The following PCNX2 variants were observed in gnomAD, a reference collection of about 807,000 sequenced individuals.
PCNX2 encodes pecanex 2.
Under a neutral mutation model 223.8 loss-of-function variants are expected in PCNX2, and 168 were observed. That is an observed-to-expected ratio of 0.75 (90% CI 0.66 to 0.85). PCNX2 has a LOEUF of 0.85. Among genes scored for constraint, PCNX2 ranks in the 40% least tolerant of loss-of-function variants. PCNX2 has a pLI of 0.00. For missense variants in PCNX2, 2,507 were observed against 2,675.5 expected, an observed-to-expected ratio of 0.94 and a Z score of 1.39; for synonymous variants, 1,006 against 1,052.6, an observed-to-expected ratio of 0.96 and a Z score of 0.86.
At chr1:233,143,717 G>C (rs1558276970) in intron 19 of PCNX2, among the ~76,000 whole-genome samples, 1 of 152,128 alleles carries the variant, frequency 6.6e-6, no homozygotes, top group African/African-American at 2.4e-5. Context: ...CTCACTCTCT[G>C]CATGTCTATC....
At chr1:233,310,193 G>A in the PCNX2 span, among the ~76,000 whole-genome samples, 17 of 152,110 alleles carry the variant, frequency 1.1e-4, no homozygotes, top group Middle Eastern at 3.4e-3. Context: ...AAAATTAGAG[G>A]CTAATAGCCA....
At chr1:233,027,660 T>C (rs73103469) in intron 25 of PCNX2, among the ~76,000 whole-genome samples, 2,258 of 152,304 alleles carry the variant, frequency 0.015, 54 homozygotes, top group African/African-American at 0.052. Context: ...AACGTTTTTC[T>C]GTAAAGGGCC....
chr1:233,212,804 C>G (rs919361238), intron 12 of PCNX2, among the ~76,000 whole-genome samples: 4 of 152,210 alleles, frequency 2.6e-5, no homozygotes, highest in African/African-American at 9.6e-5. Context: ...TATTTGAGAA[C>G]TTTTCATCAA....
At chr1:233,135,529 C>T (rs940134534) in intron 20 of PCNX2, among the ~76,000 whole-genome samples, 1 of 152,192 alleles carries the variant, frequency 6.6e-6, no homozygotes, top group African/African-American at 2.4e-5. Flanking sequence ...GGGCACAGAG[C>T]TCCTTCTGAG....
chr1:233,117,455 C>A lies in PCNX2; in HGVS notation c.3837+17558G>T, dbSNP rs549687863. 1.3e-4 allele frequency among the ~76,000 whole-genome samples: 20 copies of A among 151,278 alleles called. No homozygotes were observed. In the South Asian group the frequency reaches 4.2e-3, roughly 31 times the overall value. On this transcript the variant is annotated intron_variant, in intron 21 of 33. Coordinates refer to ENST00000258229, the MANE Select transcript of PCNX2 (RefSeq NM_014801.4). ...GACCATCCTGGCTAACACAGTGAAACCCTGTCTGTACTAAAAATACAAAAA... is the reference window on the plus strand; with the variant it reads ...GACCATCCTGGCTAACACAGTGAAAACCTGTCTGTACTAAAAATACAAAAA...
At chr1:233,087,800 C>T (rs1342110749) in intron 23 of PCNX2, among the ~76,000 whole-genome samples, 1 of 152,084 alleles carries the variant, frequency 6.6e-6, no homozygotes, top group Non-Finnish European at 1.5e-5. Flanking sequence ...AATTTCCTTC[C>T]ACTTGGCTCC....
intron 23 of PCNX2, among the ~76,000 whole-genome samples, chr1:233,081,796 AG>A (rs1673371895): frequency 6.6e-6 from 1 of 151,924 alleles, no homozygotes. Context: ...CAAATGCCTC[AG>A]GGCTCTGAGC....
chr1:233,070,818 C>T (rs1468512776), intron 23 of PCNX2, among the ~76,000 whole-genome samples: 1 of 152,060 alleles, frequency 6.6e-6, no homozygotes, highest in Admixed American at 6.6e-5. Flanking sequence ...GGGCAGATCA[C>T]GAGGTCTGGA....
chr1:233,238,401 T>C (rs1234648873), intron 8 of PCNX2, among the ~76,000 whole-genome samples: 1 of 152,208 alleles, frequency 6.6e-6, no homozygotes, highest in African/African-American at 2.4e-5. Flanking sequence ...TTTAAAATAC[T>C]GTCATACAGC....
intron 19 of PCNX2, among the ~76,000 whole-genome samples, chr1:233,150,053 G>A (rs1016840010): frequency 3.3e-5 from 5 of 151,968 alleles, no homozygotes; most frequent in Admixed American, 2.0e-4. Context: ...TCTTCCGTGG[G>A]ATGAATGACC....
chr1:233,066,738 CTG>C (rs1672626702), intron 23 of PCNX2, among the ~76,000 whole-genome samples: 1 of 152,226 alleles, frequency 6.6e-6, no homozygotes, highest in Non-Finnish European at 1.5e-5. Context: ...CCAAAGAATC[CTG>C]TGTCACCAGC....
At chr1:233,008,030 C>T (rs1046611873) in intron 28 of PCNX2, among the ~76,000 whole-genome samples, 6 of 152,136 alleles carry the variant, frequency 3.9e-5, no homozygotes, top group African/African-American at 9.7e-5. Context: ...GAACTCATCC[C>T]TTTAAAGGCT....
chr1:233,066,180 C>T (rs1001304111), intron 23 of PCNX2, among the ~76,000 whole-genome samples: 2 of 152,216 alleles, frequency 1.3e-5, no homozygotes, highest in African/African-American at 4.8e-5. Context: ...TGATTGTCTA[C>T]ATAACCTCAT....
At chr1:232,992,640 G>A (rs896924445) in intron 32 of PCNX2, among the ~76,000 whole-genome samples, 4 of 152,210 alleles carry the variant, frequency 2.6e-5, no homozygotes, top group African/African-American at 9.7e-5. Context: ...TCTCAGACTG[G>A]CCACTGCCTG....
chr1:233,087,860 C>A (rs551545757), intron 23 of PCNX2, among the ~76,000 whole-genome samples: 1 of 152,236 alleles, frequency 6.6e-6, no homozygotes, highest in East Asian at 1.9e-4. Context: ...ACCCACAGAC[C>A]CTGAAGCCCT....
chr1:233,083,071 A>T (rs1673433021), intron 23 of PCNX2, among the ~76,000 whole-genome samples: 1 of 152,218 alleles, frequency 6.6e-6, no homozygotes, highest in Admixed American at 6.5e-5. Context: ...TATTTTGTAA[A>T]ATAATGAGAC....
chr1:233,211,191 T>C (rs1247900766), intron 12 of PCNX2, among the ~76,000 whole-genome samples: 8 of 152,170 alleles, frequency 5.3e-5, no homozygotes, highest in Non-Finnish European at 1.2e-4. Context: ...ACCTGAGGTC[T>C]GTGCACAGCC....
At chr1:233,132,569 C>T (rs1676564304) in intron 21 of PCNX2, among the ~76,000 whole-genome samples, 1 of 152,186 alleles carries the variant, frequency 6.6e-6, no homozygotes, top group South Asian at 2.1e-4. Context: ...CCTCACTCCT[C>T]TTCTGTTCAC....
chr1:233,270,123 A>G (rs1224157491), intron 1 of PCNX2, among the ~76,000 whole-genome samples: 2 of 152,176 alleles, frequency 1.3e-5, no homozygotes, highest in Non-Finnish European at 1.5e-5. Flanking sequence ...CTGCCATTCA[A>G]GTATGACTCT....
Sources: allele counts gnomAD v4.1 joint callset (sites outside exome capture counted in the v4.1 genomes callset), GRCh38; gene constraint gnomAD v4.1.1; transcripts MANE v1.5; gene names NCBI Gene and HGNC (gene_info 2026-07-23, HGNC 2026-07-21).